COL23A1: variants seen among roughly 807,000 people sequenced by gnomAD.
The protein encoded by COL23A1 is collagen type XXIII alpha 1 chain, also known as collagen alpha-1(XXIII) chain.
COL23A1 carries 97 observed loss-of-function variants against 99.3 expected under a neutral mutation model. That is an observed-to-expected ratio of 0.98 (90% CI 0.83 to 1.16). The LOEUF is 1.16. COL23A1 is among the 50% of genes most tolerant of loss of function. The pLI is 0.00. For missense variants in COL23A1, 762 were observed against 757.4 expected (o/e 1.01, Z -0.07); for synonymous variants, 320 against 308.2 (o/e 1.04, Z -0.40).
At chr5:178,518,986 C>T (rs1176597716) in intron 2 of COL23A1, among the ~76,000 whole-genome samples, 8 of 144,428 alleles carry the variant, frequency 5.5e-5, no homozygotes, top group Admixed American at 2.8e-4. Context: ...CAGCTGGGGC[C>T]CGCGGGCGTC....
intron 1 of COL23A1, among the ~76,000 whole-genome samples, chr5:178,578,534 T>C (rs1763508910): frequency 6.6e-6 from 1 of 152,124 alleles, no homozygotes; most frequent in Non-Finnish European, 1.5e-5. Flanking sequence ...CAAAGTTGAG[T>C]AGATTTTATT....
Position 178,295,146 on chromosome 5 carries a change from CT to C in COL23A1, c.407-4778del, listed in dbSNP as rs1206380485. On this transcript the variant is annotated intron_variant, in intron 3 of 28. Transcript: ENST00000390654. ...GTTGCAGTGGGCCGAGATCACACCACTGCACCCCGGCCTCGGTGACAGAGTG... is the reference window on the plus strand; with the variant it reads ...GTTGCAGTGGGCCGAGATCACACCACGCACCCCGGCCTCGGTGACAGAGTG... 2.0e-5 allele frequency among the ~76,000 whole-genome samples: 3 copies of C among 152,338 alleles called. No individual in the cohort carries two copies. The East Asian group carries it at 5.8e-4, about 29-fold the overall frequency.
rs368628350 is a variant in COL23A1 at position 178,387,338 on chromosome 5, G to A, written c.362-80419C>T. Among the ~76,000 whole-genome samples, 2 of 152,032 alleles carry A rather than the reference G, an allele frequency of 1.3e-5. No individual in the cohort carries two copies. Among genetic ancestry groups the A allele is most frequent in the East Asian group, 1.9e-4 (1 of 5,180 alleles). Reference sequence around the variant, plus strand: ...CATGCCCTTCAAATGTCCAGCCCTGGTCAAACTGACCCGCTCACAAGTCTC... The same window carrying A: ...CATGCCCTTCAAATGTCCAGCCCTGATCAAACTGACCCGCTCACAAGTCTC... On this transcript the variant is annotated intron_variant, in intron 2 of 28. Coordinates refer to ENST00000390654, the MANE Select transcript of COL23A1 (RefSeq NM_173465.4). The surrounding 1 kb of genome is among the most constrained non-coding windows in gnomAD (Gnocchi z 4.7).
At chr5:178,390,311 T>C (rs895178653) in intron 2 of COL23A1, among the ~76,000 whole-genome samples, 1 of 152,232 alleles carries the variant, frequency 6.6e-6, no homozygotes, top group Non-Finnish European at 1.5e-5. Flanking sequence ...ACGGTCATTG[T>C]AGCTACAACT....
At chr5:178,272,255 G>A (rs146047241) in intron 5 of COL23A1, among the ~76,000 whole-genome samples, 279 of 152,306 alleles carry the variant, frequency 1.8e-3, no homozygotes, top group Non-Finnish European at 2.7e-3. Flanking sequence ...AGCTGGCCTC[G>A]TGCCTGCCAG....
At chr5:178,449,636 G>A (rs941098054) in intron 2 of COL23A1, among the ~76,000 whole-genome samples, 9 of 150,588 alleles carry the variant, frequency 6.0e-5, no homozygotes, top group African/African-American at 1.5e-4. Context: ...ACTAAACACA[G>A]CTTTCAACCT....
intron 17 of COL23A1, among the ~76,000 whole-genome samples, chr5:178,251,877 T>C (rs1306954934): frequency 6.6e-6 from 1 of 151,866 alleles, no homozygotes; most frequent in African/African-American, 2.4e-5. Context: ...TTTCTTTTCT[T>C]TTCTTTCTTT....
chr5:178,489,469 G>A (rs73338684), intron 2 of COL23A1, among the ~76,000 whole-genome samples: 2,573 of 152,314 alleles, frequency 0.017, 86 homozygotes, highest in African/African-American at 0.059. Flanking sequence ...ATGGGACTTT[G>A]CCTTCGCAAC....
intron 3 of COL23A1, among the ~76,000 whole-genome samples, chr5:178,292,662 C>T (rs1367434603): frequency 6.6e-6 from 1 of 152,168 alleles, no homozygotes; most frequent in East Asian, 1.9e-4. Context: ...CAGTGGCTCA[C>T]AGCTGGTGGT....
In COL23A1 at chr5:178,262,100, G is replaced by GTA. The variant is rs1491487957; in HGVS notation, c.675+116_675+117insTA. On this transcript the variant is annotated intron_variant, in intron 10 of 28. Coordinates refer to ENST00000390654, the MANE Select transcript of COL23A1 (RefSeq NM_173465.4). Reference sequence around the variant, plus strand: ...CAGACACGTACATGCAGAGGCGCGCGCACACACATAAACATGTGCGCGTGA... The same window carrying GTA: ...CAGACACGTACATGCAGAGGCGCGCGTACACACACATAAACATGTGCGCGTGA... 13 of 1,100,542 alleles carry GTA rather than the reference G, an allele frequency of 1.2e-5. No homozygotes were observed. In the African/African-American group the frequency reaches 1.9e-4, roughly 16 times the overall value. The allele number at this position is 1,100,542 out of a possible 1,614,324, so 68.2% of individuals were successfully genotyped here. A position where few individuals can be genotyped will look rare whatever the true frequency, so the allele number is the denominator to read the frequency against.
intron 18 of COL23A1, 52 bp downstream of exon 18, chr5:178,250,009 A>C: frequency 1.9e-6 from 3 of 1,593,194 alleles, no homozygotes; most frequent in Non-Finnish European, 2.6e-6. Flanking sequence ...ACACACACAC[A>C]GAGCCCAATA....
rs996126113 is a variant in COL23A1, at chr5:178,415,050, G to A, written c.362-108131C>T. ...CCTCTCTGCTTCCACAATAAGATGAGGGCAGGTTTTTAAACAGTTTGTGCC... is the reference window on the plus strand; with the variant it reads ...CCTCTCTGCTTCCACAATAAGATGAAGGCAGGTTTTTAAACAGTTTGTGCC... On this transcript the variant is annotated intron_variant, in intron 2 of 28. Coordinates refer to ENST00000390654, the MANE Select transcript of COL23A1 (RefSeq NM_173465.4). This position sits in a 1 kb window ranked among gnomAD's most constrained non-coding sequence, Gnocchi z 4.6. 1.3e-5 allele frequency among the ~76,000 whole-genome samples: 2 copies of A among 152,226 alleles called. No individual in the cohort carries two copies. The highest frequency in any genetic ancestry group is 1.3e-4 in the Admixed American group (2 of 15,306).
intron 1 of COL23A1, among the ~76,000 whole-genome samples, chr5:178,565,311 C>A (rs540818648): frequency 6.6e-6 from 1 of 152,260 alleles, no homozygotes; most frequent in South Asian, 2.1e-4. Flanking sequence ...AATTTCGGAG[C>A]GACAGACTCT....
At chr5:178,319,935 G>T (rs979486574) in intron 2 of COL23A1, among the ~76,000 whole-genome samples, 2 of 152,252 alleles carry the variant, frequency 1.3e-5, no homozygotes, top group African/African-American at 4.8e-5. Context: ...ATGCCCCTCC[G>T]TCACTCCTCA....
chr5:178,362,289 C>T lies in COL23A1; in HGVS notation c.362-55370G>A, dbSNP rs568415541. Among the ~76,000 whole-genome samples, 21 of 152,164 alleles carry T rather than the reference C, an allele frequency of 1.4e-4. No homozygotes were observed. In the South Asian group the frequency reaches 2.7e-3, roughly 20 times the overall value. ...GTTTGGAGCCAGGCGGCTGTGGGTCCGAATAGCGGCTCAACCACAGGCCCC... is the reference window on the plus strand; with the variant it reads ...GTTTGGAGCCAGGCGGCTGTGGGTCTGAATAGCGGCTCAACCACAGGCCCC... On this transcript the variant is annotated intron_variant, in intron 2 of 28. Transcript: ENST00000390654.
At chr5:178,529,172 C>T (rs1279055748) in intron 2 of COL23A1, among the ~76,000 whole-genome samples, 9 of 152,188 alleles carry the variant, frequency 5.9e-5, no homozygotes, top group African/African-American at 4.8e-5. Flanking sequence ...TCTCTTCAGC[C>T]GACAGTCTAG....
At chr5:178,529,815 C>T (rs777116430) in intron 2 of COL23A1, among the ~76,000 whole-genome samples, 7 of 152,118 alleles carry the variant, frequency 4.6e-5, no homozygotes, top group Non-Finnish European at 1.0e-4. Flanking sequence ...GTGCCAGGCA[C>T]ACAAGAAAGG....
chr5:178,528,706 A>G (rs1760466946), intron 2 of COL23A1, among the ~76,000 whole-genome samples: 1 of 152,218 alleles, frequency 6.6e-6, no homozygotes, highest in African/African-American at 2.4e-5. Flanking sequence ...GATACTCGGG[A>G]GGTTGAGGCA....
At chr5:178,523,392 A>G (rs1286156590) in intron 2 of COL23A1, 2 of 137,750 alleles carry the variant, frequency 1.5e-5, no homozygotes, top group Non-Finnish European at 3.1e-5. Flanking sequence ...GCTCCACTGC[A>G]CTCCAGCCTG....
Sources: allele counts gnomAD v4.1 joint callset (sites outside exome capture counted in the v4.1 genomes callset), GRCh38; gene constraint gnomAD v4.1.1; non-coding constraint Gnocchi (gnomAD v3.1); transcripts MANE v1.5; gene names NCBI Gene and HGNC (gene_info 2026-07-23, HGNC 2026-07-21).